IQSEC1: variants seen among roughly 807,000 people sequenced by gnomAD.
The protein encoded by IQSEC1 is IQ motif and Sec7 domain ArfGEF 1, also known as IQ motif and SEC7 domain-containing protein 1.
Under a neutral mutation model 91.0 loss-of-function variants are expected in IQSEC1, and 31 were observed. The ratio of observed to expected loss-of-function variants is 0.34; its 90% CI spans 0.26 to 0.46. The LOEUF (loss-of-function observed/expected upper bound fraction) is 0.46, where lower values mean the gene tolerates loss of function less well. IQSEC1 is among the 20% of genes least tolerant of loss of function. The pLI is 1.00. For synonymous variants in IQSEC1, 699 were observed against 662.6 expected (o/e 1.05, Z -0.84); for missense variants, 1,388 against 1,575.6 (o/e 0.88, Z 2.02).
intron 1 of IQSEC1, among the ~76,000 whole-genome samples, chr3:13,232,832 C>T (rs1694860217): frequency 6.6e-6 from 1 of 152,174 alleles, no homozygotes; most frequent in Non-Finnish European, 1.5e-5. Context: ...GGAATTCTGA[C>T]CCACACAACA....
intron 1 of IQSEC1, among the ~76,000 whole-genome samples, chr3:13,067,787 A>C (rs1705285918): frequency 6.6e-6 from 1 of 152,258 alleles, no homozygotes; most frequent in African/African-American, 2.4e-5. Flanking sequence ...GATGGCACAC[A>C]ACCACCCTGC....
At chr3:13,250,432 T>G (rs1389070240) in intron 1 of IQSEC1, among the ~76,000 whole-genome samples, 1 of 149,614 alleles carries the variant, frequency 6.7e-6, no homozygotes, top group African/African-American at 2.5e-5. Flanking sequence ...TTTTTTTTTT[T>G]TTTTGAGACA....
intron 1 of IQSEC1, among the ~76,000 whole-genome samples, chr3:13,276,080 CTTTTTTTTTTTTTT>C (rs796663192): frequency 2.5e-5 from 2 of 79,524 alleles, no homozygotes; most frequent in African/African-American, 4.1e-5. Flanking sequence ...CAAAAGCATT[CTTTTTTTTTTTTTT>C]TTTTTTTTTT....
rs191226141 is a variant in IQSEC1, at chr3:13,107,820, A to G, written c.302+56284T>C. 3.0e-3 allele frequency among the ~76,000 whole-genome samples: 453 copies of G among 152,278 alleles called. 3 individuals are homozygous for G. The South Asian group carries it at 0.031, about 10-fold the overall frequency. ...ACACGGTGATGCGGTCCTTGCTTCAAAATCAGGCCAGCCATACATGTCCGG... is the reference window on the plus strand; with the variant it reads ...ACACGGTGATGCGGTCCTTGCTTCAGAATCAGGCCAGCCATACATGTCCGG... On this transcript the variant is annotated intron_variant, in intron 2 of 15. Coordinates refer to the IQSEC1 transcript ENST00000648114.
chr3:13,169,111 C>G lies in IQSEC1; in HGVS notation c.273-4978G>C, dbSNP rs924945001. Among the ~76,000 whole-genome samples, 9 of 152,228 alleles carry G rather than the reference C, an allele frequency of 5.9e-5. No individual in the cohort carries two copies. The South Asian group carries it at 1.9e-3, about 32-fold the overall frequency. ...TGATATGGTTTGGGTGTGTCCCCACCCAAGTCTCATCTTGAATTCCCACGT... is the reference window on the plus strand; with the variant it reads ...TGATATGGTTTGGGTGTGTCCCCACGCAAGTCTCATCTTGAATTCCCACGT... On this transcript the variant is annotated intron_variant, in intron 1 of 15. Coordinates refer to the IQSEC1 transcript ENST00000648114.
rs114625599 is a variant in IQSEC1 at position 12,971,366 on chromosome 3, G to A, written c.24-29501C>T. On this transcript the variant is annotated intron_variant, in intron 1 of 13. Transcript: ENST00000613206. ...TGTTGGGAACGAATCCTACAGCGCC[G>A]CCTGCCCATGTGCACATAGAGGCAT... 3.2e-3 allele frequency among the ~76,000 whole-genome samples: 488 copies of A among 152,200 alleles called. 1 individual carries two copies. Among genetic ancestry groups the A allele is most frequent in the Middle Eastern group, 6.8e-3 (2 of 292 alleles).
chr3:13,046,471 C>A (rs1430940787), intron 1 of IQSEC1, among the ~76,000 whole-genome samples: 1 of 152,232 alleles, frequency 6.6e-6, no homozygotes, highest in African/African-American at 2.4e-5. Flanking sequence ...GCTCTGACAT[C>A]TCCTTCCTGT....
intron 2 of IQSEC1, among the ~76,000 whole-genome samples, chr3:13,135,270 G>C (rs1237253898): frequency 1.3e-5 from 2 of 152,250 alleles, no homozygotes; most frequent in African/African-American, 4.8e-5. Flanking sequence ...GTAAGGGACT[G>C]AGCCACAGTC....
intron 2 of IQSEC1, among the ~76,000 whole-genome samples, chr3:13,111,331 G>T (rs925860501): frequency 6.6e-6 from 1 of 152,182 alleles, no homozygotes; most frequent in Non-Finnish European, 1.5e-5. Context: ...TGGCAGCCTC[G>T]TGGGTGGTGA....
intron 2 of IQSEC1, among the ~76,000 whole-genome samples, chr3:13,117,740 C>T (rs1266267405): frequency 6.6e-6 from 1 of 151,202 alleles, no homozygotes; most frequent in Non-Finnish European, 1.5e-5. Context: ...CAAAAATTAG[C>T]CGGGCGTGGT....
At chr3:12,973,694 T>C (rs1311933059) in intron 1 of IQSEC1, among the ~76,000 whole-genome samples, 1 of 152,140 alleles carries the variant, frequency 6.6e-6, no homozygotes, top group Non-Finnish European at 1.5e-5. Context: ...TCAAAATATC[T>C]CATGTGACCC....
At chr3:13,034,146 GT>G (rs1703948394) in intron 1 of IQSEC1, among the ~76,000 whole-genome samples, 1 of 152,208 alleles carries the variant, frequency 6.6e-6, no homozygotes, top group Admixed American at 6.5e-5. Context: ...TTTTCAGCCT[GT>G]GACAGGCCCT....
chr3:13,047,593 C>G, intron 1 of IQSEC1: 1 of 794,920 alleles, frequency 1.3e-6, no homozygotes, highest in Non-Finnish European at 1.5e-6. Flanking sequence ...GGGGCCATGT[C>G]CACTCAGGCC....
At chr3:13,224,080 G>A (rs979865183) in intron 1 of IQSEC1, among the ~76,000 whole-genome samples, 3 of 152,094 alleles carry the variant, frequency 2.0e-5, no homozygotes, top group African/African-American at 7.2e-5. Context: ...GAAGCAATGA[G>A]GAGGCCAACC....
At chr3:13,265,916 CA>C (rs34132019) in intron 1 of IQSEC1, among the ~76,000 whole-genome samples, 9,691 of 110,704 alleles carry the variant, frequency 0.088, 501 homozygotes, top group African/African-American at 0.19. Flanking sequence ...TGCTTTATTG[CA>C]AAAAAAAAAA....
chr3:13,051,893 G>A (rs62239867), intron 1 of IQSEC1, among the ~76,000 whole-genome samples: 6,339 of 151,982 alleles, frequency 0.042, 151 homozygotes, highest in South Asian at 0.082. Context: ...AAGTTCCTGC[G>A]CCTAGGGCTT....
intron 1 of IQSEC1, among the ~76,000 whole-genome samples, chr3:12,955,158 A>C (rs1451832534): frequency 6.6e-6 from 1 of 152,336 alleles, no homozygotes; most frequent in East Asian, 1.9e-4. Context: ...GAGTTTCTCC[A>C]CCGTACAGAC....
In IQSEC1 at chr3:13,270,415, C is replaced by T. The variant is rs77167130; in HGVS notation, c.272+12296G>A. The stretch of plus-strand genomic sequence containing the variant: ...AATAGCAGAGACAAATAATTCACTC[C>T]CCTTGTCTTCAGGAAGCTTCTGGGC... On this transcript the variant is annotated intron_variant, in intron 1 of 15. Transcript: ENST00000648114. 5.9e-3 allele frequency among the ~76,000 whole-genome samples: 905 copies of T among 152,254 alleles called. 18 individuals carry two copies. The highest frequency in any genetic ancestry group is 0.04 in the East Asian group (208 of 5,166).
rs1452807213 is a variant in IQSEC1, at chr3:13,015,461, T to C, written c.23+57531A>G. 4 of 611,424 alleles carry C rather than the reference T, an allele frequency of 6.5e-6. No homozygotes were observed. In the South Asian group the frequency reaches 2.9e-4, roughly 44 times the overall value. The allele number at this position is 611,424 out of a possible 1,614,324, so 37.9% of individuals were successfully genotyped here. On this transcript the variant is annotated intron_variant, in intron 1 of 13. Coordinates refer to ENST00000613206, the MANE Select transcript of IQSEC1 (RefSeq NM_001134382.3). Reference sequence around the variant, plus strand: ...TACAGCTCTGAGAAACAGTGAAAACTCTGACGACAGCCCCCAAGACCCTCA... The same window carrying C: ...TACAGCTCTGAGAAACAGTGAAAACCCTGACGACAGCCCCCAAGACCCTCA...
Sources: gnomAD v4.1 joint callset for allele counts (sites outside exome capture counted in the v4.1 genomes callset) on GRCh38, gnomAD v4.1.1 for gene constraint, MANE v1.5 for transcripts, NCBI Gene and HGNC (gene_info 2026-07-23, HGNC 2026-07-21) for gene names.